CRYBG1: variants seen among roughly 807,000 people sequenced by gnomAD.
CRYBG1 encodes the protein crystallin beta-gamma domain containing 1, also known as beta/gamma crystallin domain-containing protein 1.
In CRYBG1, 139 loss-of-function variants were observed where a neutral mutation model predicts 189.2. That is an observed-to-expected ratio of 0.73 (90% CI 0.64 to 0.85). CRYBG1 has a LOEUF of 0.85. Ranked by LOEUF, CRYBG1 falls within the 40% of genes least tolerant of loss-of-function variation. The probability of loss-of-function intolerance (pLI) is 0.00; values close to 1 mark genes in which losing one functional copy is unlikely to be tolerated. For missense variants in CRYBG1, 2,611 were observed against 2,675.8 expected (o/e 0.98, Z 0.53); for synonymous variants, 1,023 against 1,017.1 (o/e 1.01, Z -0.11).
rs550678787 is a variant in CRYBG1, at chr6:106,512,317, G to A, written c.1200G>A (p.Ala400=). ...VDEPVVITPR[A]EDCGDWDDME... ...AGCCGGTCGTGATTACTCCCAGAGC[G>A]GAAGATTGCGGTGACTGGGACGACA... Residue 400 remains alanine (A), a synonymous_variant, in exon 3 of 22, where the codon GCG becomes GCA. Coordinates refer to ENST00000633556, the MANE Select transcript of CRYBG1 (RefSeq NM_001371242.2). The A allele has an allele frequency of 5.0e-6, 8 of 1,605,236 alleles. No homozygotes were observed. The South Asian group carries it at 7.8e-5, about 16-fold the overall frequency.
At position 106,386,703 on chromosome 6, in the gene CRYBG1, G is replaced by A. The variant is rs117028600; in HGVS notation, c.173+25622G>A. On this transcript the variant is annotated intron_variant, in intron 1 of 21. Coordinates refer to ENST00000633556, the MANE Select transcript of CRYBG1 (RefSeq NM_001371242.2). ...TAGGGGTCACACTCCTATGAGAATC[G>A]AATGCCACCGCTAGACATACCATCA... Among the ~76,000 whole-genome samples the A allele has an allele frequency of 9.2e-4, 140 of 152,270 alleles. No homozygotes were observed. In the East Asian group the frequency reaches 0.025, roughly 28 times the overall value.
At position 106,427,659 on chromosome 6, in the gene CRYBG1, TAG is replaced by T. The variant is rs1465531578; in HGVS notation, c.174-24029_174-24028del. ...CCACCGAAGTCAGTTCTCTATGTAT[TAG>T]AGAGATTCTTTTATTTTTTTAATTA... On this transcript the variant is annotated intron_variant, in intron 1 of 21. Coordinates refer to ENST00000633556, the MANE Select transcript of CRYBG1 (RefSeq NM_001371242.2). Among the ~76,000 whole-genome samples the T allele has an allele frequency of 2.0e-5, 3 of 152,328 alleles. No individual in the cohort carries two copies. In the South Asian group the frequency reaches 6.2e-4, roughly 32 times the overall value.
At chr6:106,414,726 A>G (rs1333771489) in intron 1 of CRYBG1, among the ~76,000 whole-genome samples, 2 of 152,200 alleles carry the variant, frequency 1.3e-5, no homozygotes, top group Non-Finnish European at 2.9e-5. Flanking sequence ...AAATTGGAGG[A>G]GTACAACTAT....
rs540992980 is a variant in CRYBG1, at chr6:106,555,832, C to A, written c.5650C>A (p.Pro1884Thr). ...NQYVLEEGHY[P>T]CLSAMGCPPG... is the part of the protein sequence containing the mutation. ...ATACGTGTTGGAAGAAGGCCATTAT[C>A]CTTGTCTGTCTGCAATGGGATGCCC... Residue 1884 changes from proline to threonine, a missense_variant, in exon 17 of 22, where the codon CCT (proline) becomes ACT (threonine). Around this residue, in one of 3 missense-constraint regions of CRYBG1, gnomAD observed 1,622 missense variants for 1,735.0 expected, o/e 0.93. Coordinates refer to ENST00000633556, the MANE Select transcript of CRYBG1 (RefSeq NM_001371242.2). 3.1e-6 allele frequency: 5 copies of A among 1,614,118 alleles called. No homozygotes were observed. The highest frequency in any genetic ancestry group is 4.2e-6 in the Non-Finnish European group (5 of 1,179,984).
intron 2 of CRYBG1, among the ~76,000 whole-genome samples, chr6:106,492,606 T>C (rs541968347): frequency 5.9e-5 from 9 of 152,134 alleles, no homozygotes; most frequent in Non-Finnish European, 8.8e-5. Flanking sequence ...ATTTTAAGTA[T>C]TTATTCAAAC....
intron 11 of CRYBG1, 91 bp downstream of exon 11, chr6:106,543,688 G>C (rs1774193338): frequency 7.4e-7 from 1 of 1,353,398 alleles, no homozygotes; most frequent in Admixed American, 2.0e-5. Context: ...CAACATTCCT[G>C]ATTCTATAGT....
intron 3 of CRYBG1, among the ~76,000 whole-genome samples, chr6:106,517,345 CACACATAT>C (rs1773452248): frequency 2.4e-5 from 2 of 84,768 alleles, no homozygotes; most frequent in Non-Finnish European, 2.8e-5. Flanking sequence ...TATATATACA[CACACATAT>C]ATATATACAC....
rs1267800265 is a variant in CRYBG1 at position 106,563,147 on chromosome 6, T to C, written c.6139-617T>C. Among the ~76,000 whole-genome samples, 7 of 152,198 alleles carry C rather than the reference T, an allele frequency of 4.6e-5. No individual in the cohort carries two copies. In the East Asian group the frequency reaches 1.3e-3, roughly 29 times the overall value. ...ATGACTGCCATACATTATTTATATA[T>C]TAAGGGTAGATTCACTTCAGGGAAG... On this transcript the variant is annotated intron_variant, in intron 20 of 21. Transcript: ENST00000633556.
chr6:106,551,124 C>A (rs1246836663), intron 13 of CRYBG1, among the ~76,000 whole-genome samples: 2 of 146,892 alleles, frequency 1.4e-5, no homozygotes, highest in Non-Finnish European at 3.0e-5. Flanking sequence ...GTTTTTCAAA[C>A]CCCCCTCCCT....
At chr6:106,484,895 G>A (rs11966121) in intron 2 of CRYBG1, among the ~76,000 whole-genome samples, 19,366 of 152,124 alleles carry the variant, frequency 0.13, 2,185 homozygotes, top group African/African-American at 0.3. Flanking sequence ...GGAGGCTGAG[G>A]TAGGAGGATT....
intron 1 of CRYBG1, among the ~76,000 whole-genome samples, chr6:106,376,522 G>A (rs183597706): frequency 6.8e-4 from 103 of 152,142 alleles, no homozygotes; most frequent in Non-Finnish European, 1.2e-3. Context: ...GGTCAGGCTG[G>A]AGTTAGGTAA....
intron 1 of CRYBG1, among the ~76,000 whole-genome samples, chr6:106,367,363 C>T (rs9399985): frequency 0.67 from 101,249 of 151,554 alleles, 33,950 homozygotes; most frequent in African/African-American, 0.74. Flanking sequence ...CCAAAGTGGG[C>T]GGATCACAAG....
intron 1 of CRYBG1, among the ~76,000 whole-genome samples, chr6:106,433,419 A>G (rs868786382): frequency 1.3e-5 from 2 of 152,084 alleles, no homozygotes; most frequent in African/African-American, 2.4e-5. Flanking sequence ...TGGGTTGTCA[A>G]TATGTACTCG....
intron 1 of CRYBG1, among the ~76,000 whole-genome samples, chr6:106,362,336 T>A (rs1339180077): frequency 6.6e-6 from 1 of 152,180 alleles, no homozygotes; most frequent in African/African-American, 2.4e-5. Flanking sequence ...ATTGAGTACC[T>A]TAGCTAAGTG....
intron 1 of CRYBG1, among the ~76,000 whole-genome samples, chr6:106,431,987 G>A (rs1771333899): frequency 6.6e-6 from 1 of 152,186 alleles, no homozygotes; most frequent in South Asian, 2.1e-4. Flanking sequence ...CAGATTATAA[G>A]TGCTTGTGGG....
At chr6:106,531,367 G>A (rs956366301) in intron 8 of CRYBG1, among the ~76,000 whole-genome samples, 3 of 152,226 alleles carry the variant, frequency 2.0e-5, no homozygotes, top group Non-Finnish European at 2.9e-5. Context: ...AGCTATCCTT[G>A]AATAGTTGGA....
intron 2 of CRYBG1, among the ~76,000 whole-genome samples, chr6:106,467,908 C>T (rs879485358): frequency 1.3e-5 from 2 of 152,106 alleles, no homozygotes; most frequent in African/African-American, 2.4e-5. Context: ...TTTTTAAGTA[C>T]TTCTGGCCTC....
rs533766000 is a variant in CRYBG1, at chr6:106,453,973, G to A, written c.312+2141G>A. Reference sequence around the variant, plus strand: ...AGGAGAGGCAGAGTGTGGTTCAGGCGACCCTGTCTCTAAGTGTCACTGGAA... The same window carrying A: ...AGGAGAGGCAGAGTGTGGTTCAGGCAACCCTGTCTCTAAGTGTCACTGGAA... On this transcript the variant is annotated intron_variant, in intron 2 of 21. Transcript: ENST00000633556. Among the ~76,000 whole-genome samples the A allele has an allele frequency of 1.8e-4, 28 of 152,246 alleles. No individual in the cohort carries two copies. In the East Asian group the frequency reaches 2.7e-3, roughly 15 times the overall value.
chr6:106,536,386 A>G (rs1774004680), intron 8 of CRYBG1, among the ~76,000 whole-genome samples: 2 of 152,294 alleles, frequency 1.3e-5, no homozygotes, highest in East Asian at 3.9e-4. Flanking sequence ...GTAAAGGTTC[A>G]TTTTCCCCTT....
Sources: gnomAD v4.1 joint callset for allele counts (sites outside exome capture counted in the v4.1 genomes callset) on GRCh38, gnomAD v4.1.1 for gene constraint, gnomAD v4.1.1 regional missense constraint, MANE v1.5 for transcripts, NCBI Gene and HGNC (gene_info 2026-07-23, HGNC 2026-07-21) for gene names.